CIB1: variants seen among roughly 807,000 people sequenced by gnomAD.
CIB1 encodes calcium and integrin binding 1.
Under a neutral mutation model 25.0 loss-of-function variants are expected in CIB1, and 19 were observed. That is an observed-to-expected ratio of 0.76 (90% CI 0.53 to 1.12). CIB1 has a LOEUF of 1.12. CIB1 is among the 50% of genes most tolerant of loss of function. The pLI is 0.00. For synonymous variants in CIB1, 104 were observed against 98.5 expected (o/e 1.06, Z -0.33); for missense variants, 236 against 242.6 (o/e 0.97, Z 0.18).
At chr15:90,248,880 G>A in the CIB1 span, among the ~76,000 whole-genome samples, 1 of 152,064 alleles carries the variant, frequency 6.6e-6, no homozygotes, top group Non-Finnish European at 1.5e-5. Context: ...AAATCAAAGT[G>A]GGTGGATGTC....
upstream of CIB1, among the ~76,000 whole-genome samples, chr15:90,235,773 T>C (rs1962622877): frequency 6.6e-6 from 1 of 151,972 alleles, no homozygotes. Flanking sequence ...TTTCACCCTG[T>C]TAGCCAGGAT....
chr15:90,258,883 C>A, the CIB1 span: 1 of 1,614,132 alleles, frequency 6.2e-7, no homozygotes. Context: ...AGCGGCGAGT[C>A]AAGGAACGGC....
chr15:90,253,540 T>C, the CIB1 span, among the ~76,000 whole-genome samples: 77,317 of 152,020 alleles, frequency 0.51, 20,722 homozygotes, highest in East Asian at 0.69. Context: ...TCTTGGAGAT[T>C]GTGGGTTTCT....
the CIB1 span, among the ~76,000 whole-genome samples, chr15:90,254,362 G>A: frequency 2.6e-5 from 4 of 151,020 alleles, no homozygotes; most frequent in East Asian, 7.8e-4. Flanking sequence ...GCATGGTGGC[G>A]CACACTTGTA....
upstream of CIB1, chr15:90,233,974 C>T: frequency 7.3e-7 from 1 of 1,377,346 alleles, no homozygotes; most frequent in South Asian, 1.5e-5. Flanking sequence ...ACTGCCCGGT[C>T]CCCGCGGCAA....
chr15:90,265,671 T>C, the CIB1 span: 2 of 1,608,516 alleles, frequency 1.2e-6, no homozygotes, highest in African/African-American at 1.3e-5. Flanking sequence ...CTACTTCCGC[T>C]GCTGTTTCGT....
the CIB1 span, chr15:90,264,880 C>G: frequency 6.5e-7 from 1 of 1,536,130 alleles, no homozygotes; most frequent in Non-Finnish European, 8.7e-7. Context: ...ACTCTGAACA[C>G]AGAGCAGCCA....
At chr15:90,257,431 G>A in the CIB1 span, 1 of 1,252,866 alleles carries the variant, frequency 8.0e-7, no homozygotes, top group Admixed American at 2.6e-5. Context: ...GCAAGTGTTT[G>A]GTAGGTGGTG....
the CIB1 span, among the ~76,000 whole-genome samples, chr15:90,239,235 C>A: frequency 6.6e-6 from 1 of 150,946 alleles, no homozygotes; most frequent in African/African-American, 2.4e-5. Context: ...ATTGTTTCTC[C>A]ATTAAAAAAA....
the CIB1 span, chr15:90,264,987 T>C: frequency 6.6e-7 from 1 of 1,526,248 alleles, no homozygotes; most frequent in Non-Finnish European, 8.8e-7. Flanking sequence ...GGAAGCACTC[T>C]ACCTCTCCTG....
At chr15:90,237,761 G>A (rs1020891672), upstream of CIB1, among the ~76,000 whole-genome samples, 5 of 148,554 alleles carry the variant, frequency 3.4e-5, no homozygotes, top group African/African-American at 7.5e-5. Context: ...AAATTTTTTC[G>A]CCTGTCAGAT....
the CIB1 span, chr15:90,262,226 G>C: frequency 6.7e-7 from 1 of 1,487,910 alleles, no homozygotes; most frequent in Non-Finnish European, 8.9e-7. Flanking sequence ...GCACACCTAG[G>C]TGGGGACAAG....
chr15:90,262,746 C>T, the CIB1 span: 1 of 1,322,078 alleles, frequency 7.6e-7, no homozygotes, highest in South Asian at 1.5e-5. Context: ...TGAATCTCTG[C>T]TGTCTTCTCC....
Position 90,230,004 on chromosome 15 carries a change from G to A in CIB1, c.*480C>T, listed in dbSNP as rs928682744. 1.1e-4 allele frequency: 19 copies of A among 180,654 alleles called. No homozygotes were observed. The highest frequency in any genetic ancestry group is 2.3e-4 in the Non-Finnish European group (19 of 84,312). The allele number at this position is 180,654 out of a possible 1,614,324, so 11.2% of individuals were successfully genotyped here. A position where few individuals can be genotyped will look rare whatever the true frequency, so the allele number is the denominator to read the frequency against. On this transcript the variant is annotated 3_prime_UTR_variant, in exon 7 of 7. Transcript: ENST00000328649. ...GTAAAATAGACTTTACTGATGTACG[G>A]TTCTTTACATTTTGATGCATGCAGA...
At chr15:90,250,808 A>G in the CIB1 span, 1 of 1,614,184 alleles carries the variant, frequency 6.2e-7, no homozygotes, top group Non-Finnish European at 8.5e-7. Flanking sequence ...TATGGCCACA[A>G]AAATTCCGAA....
the CIB1 span, chr15:90,253,394 A>G: frequency 3.2e-6 from 5 of 1,574,326 alleles, no homozygotes; most frequent in African/African-American, 5.4e-5. Context: ...CTGAGAGCCG[A>G]CAGGGGCTAG....
At chr15:90,247,984 G>A in the CIB1 span, among the ~76,000 whole-genome samples, 27 of 151,816 alleles carry the variant, frequency 1.8e-4, no homozygotes, top group Admixed American at 1.2e-3. Flanking sequence ...CTGGTGATCC[G>A]CCCACCTTGG....
In CIB1 at chr15:90,230,511, C is replaced by T; in HGVS notation, c.555-6G>A. On this transcript the variant is annotated splice_polypyrimidine_tract_variant and splice_region_variant and intron_variant, in intron 6 of 6. Coordinates refer to ENST00000328649, the MANE Select transcript of CIB1 (RefSeq NM_006384.4). Reference sequence around the variant, plus strand: ...ACAGGACAATCTTAAAGGAGCTGAACAAGAGAAAAGCGGTGGGTTTTCTGC... The same window carrying T: ...ACAGGACAATCTTAAAGGAGCTGAATAAGAGAAAAGCGGTGGGTTTTCTGC... The T allele has an allele frequency of 6.4e-7, 1 of 1,551,632 alleles. No individual in the cohort carries two copies. The highest frequency in any genetic ancestry group is 1.7e-4 in the Middle Eastern group (1 of 5,968).
In CIB1 at chr15:90,230,977, A is replaced by G; in HGVS notation, c.511T>C (p.Ser171Pro). 6.2e-7 allele frequency: 1 copy of G among 1,614,154 alleles called. No individual in the cohort carries two copies. The part of the protein sequence containing the change: ...DIDRDGTINL[S>P]EFQHVISRSP... ...CGGGAGATGACGTGCTGGAACTCAG[A>G]GAGGTTGATGGTTCCATCCCTGTCA... Residue 171 changes from serine (S) to proline (P), a missense_variant, in exon 6 of 7, where the codon TCT (serine) becomes CCT (proline). Ser to Pro is a moderately conservative substitution (Grantham distance 74). Coordinates refer to ENST00000328649, the MANE Select transcript of CIB1 (RefSeq NM_006384.4).
Sources: allele counts gnomAD v4.1 joint callset (sites outside exome capture counted in the v4.1 genomes callset), GRCh38; gene constraint gnomAD v4.1.1; transcripts MANE v1.5; gene names NCBI Gene and HGNC (gene_info 2026-07-23, HGNC 2026-07-21).